The following ATF7IP variants were observed in gnomAD, a reference collection of about 807,000 sequenced individuals.
The protein encoded by ATF7IP is activating transcription factor 7-interacting protein 1.
A neutral mutation model predicts 106.4 loss-of-function variants in ATF7IP; 23 were observed. The ratio of observed to expected loss-of-function variants is 0.22; its 90% CI spans 0.16 to 0.31. ATF7IP has a LOEUF of 0.31. Ranked by LOEUF, ATF7IP falls within the 10% of genes least tolerant of loss-of-function variation. ATF7IP has a pLI of 1.00. For missense variants in ATF7IP, 1,334 were observed against 1,524.3 expected, an observed-to-expected ratio of 0.88 and a Z score of 2.08; for synonymous variants, 542 against 539.0, an observed-to-expected ratio of 1.01 and a Z score of -0.08.
intron 10 of ATF7IP, 93 bp from the exon 11 acceptor site, chr12:14,475,797 A>G (rs1944242512): frequency 1.1e-6 from 1 of 922,260 alleles, no homozygotes; most frequent in Non-Finnish European, 1.6e-6. Flanking sequence ...CAGGTTACTC[A>G]TTAGTCTCAT....
rs1941741696 is a variant in ATF7IP, at chr12:14,424,669, G to T, written c.754G>T (p.Asp252Tyr). The change falls in exon 2 of 15, where the codon GAT (aspartate) becomes TAT (tyrosine). Residue 252 changes from aspartate to tyrosine, a missense_variant. Coordinates refer to ENST00000261168, the MANE Select transcript of ATF7IP (RefSeq NM_018179.5). Reference sequence around the variant, plus strand: ...ACCAGCTTCCACTGATCCAGCCTCTGATGATCTGGCCTCTGGTGATCTATC... The same window carrying T: ...ACCAGCTTCCACTGATCCAGCCTCTTATGATCTGGCCTCTGGTGATCTATC... ...GAPASTDPAS[D>Y]DLASGDLSSS... is the part of the protein sequence containing the mutation. The T allele has an allele frequency of 6.2e-7, 1 of 1,614,158 alleles. No individual in the cohort carries two copies. Among genetic ancestry groups the T allele is most frequent in the Non-Finnish European group, 8.5e-7 (1 of 1,180,024 alleles).
intron 1 of ATF7IP, chr12:14,367,345 G>C (rs1938349347): frequency 6.6e-6 from 1 of 152,028 alleles, no homozygotes; most frequent in Admixed American, 6.5e-5. Flanking sequence ...ATATGAGATA[G>C]AATGGAGGTA....
intron 4 of ATF7IP, among the ~76,000 whole-genome samples, chr12:14,436,803 G>T (rs538796643): frequency 2.7e-5 from 4 of 148,552 alleles, no homozygotes; most frequent in African/African-American, 7.5e-5. Flanking sequence ...TTTAAAAAAG[G>T]TTATGATTAT....
rs889896538 is a variant in ATF7IP, at chr12:14,466,605, T to C, written c.2862+15T>C. On this transcript the variant is annotated intron_variant, in intron 10 of 14. Coordinates refer to ENST00000261168, the MANE Select transcript of ATF7IP (RefSeq NM_018179.5). ...GCACATCACAGGTAAGATTTTTCCT[T>C]CTTCTTCAAAGTAAAATCCTAATTA... 9 of 1,575,310 alleles carry C rather than the reference T, an allele frequency of 5.7e-6. No homozygotes were observed. In the South Asian group the frequency reaches 7.1e-5, roughly 12 times the overall value.
chr12:14,391,228 A>G (rs1310369530), intron 1 of ATF7IP, among the ~76,000 whole-genome samples: 2 of 152,226 alleles, frequency 1.3e-5, no homozygotes, highest in Non-Finnish European at 2.9e-5. Context: ...TGAAAACAGC[A>G]CAAATTGATT....
At chr12:14,422,880 TG>T (rs1044093052) in intron 1 of ATF7IP, among the ~76,000 whole-genome samples, 1 of 152,194 alleles carries the variant, frequency 6.6e-6, no homozygotes, top group African/African-American at 2.4e-5. Flanking sequence ...AGTTTTTGTG[TG>T]GACATATGTT....
intron 4 of ATF7IP, 107 bp downstream of exon 4, chr12:14,436,358 C>T: frequency 5.9e-6 from 7 of 1,177,208 alleles, no homozygotes; most frequent in Non-Finnish European, 8.3e-6. Context: ...TGTGGTTTAT[C>T]ATAGAAAGAA....
At chr12:14,431,281 A>G (rs1260876309) in intron 2 of ATF7IP, among the ~76,000 whole-genome samples, 1 of 152,096 alleles carries the variant, frequency 6.6e-6, no homozygotes, top group Non-Finnish European at 1.5e-5. Flanking sequence ...AGGAAAGAAT[A>G]TGGAACTATG....
At chr12:14,402,003 C>T (rs762247662) in intron 1 of ATF7IP, among the ~76,000 whole-genome samples, 60 of 151,218 alleles carry the variant, frequency 4.0e-4, no homozygotes, top group Non-Finnish European at 7.7e-4. Context: ...TGAGCCACCG[C>T]GCCTGGCCTC....
intron 13 of ATF7IP, among the ~76,000 whole-genome samples, chr12:14,496,019 A>AC (rs1945000939): frequency 4.0e-5 from 6 of 151,432 alleles, no homozygotes; most frequent in Admixed American, 4.0e-4. Flanking sequence ...GGTAGTTAGA[A>AC]TTTTTTTTTA....
chr12:14,478,516 T>C (rs780541605), intron 12 of ATF7IP, 44 bp downstream of exon 12: 3 of 1,604,304 alleles, frequency 1.9e-6, no homozygotes, highest in East Asian at 4.5e-5. Context: ...GTTTTGCCTG[T>C]AGAGAACTAT....
Position 14,441,035 on chromosome 12 carries a change from T to C in ATF7IP, c.1929+2768T>C, listed in dbSNP as rs147822673. ...TCAGCTATTGTGAATGATGCTGCTT[T>C]GAACTTGTATACAAGTGTTTGTTTG... On this transcript the variant is annotated intron_variant, in intron 5 of 14. Coordinates refer to ENST00000261168, the MANE Select transcript of ATF7IP (RefSeq NM_018179.5). 5.9e-5 allele frequency among the ~76,000 whole-genome samples: 9 copies of C among 152,352 alleles called. No individual in the cohort carries two copies. In the East Asian group the frequency reaches 1.7e-3, roughly 29 times the overall value.
chr12:14,418,318 C>G (rs1215923613), intron 1 of ATF7IP, among the ~76,000 whole-genome samples: 1 of 152,076 alleles, frequency 6.6e-6, no homozygotes, highest in Admixed American at 6.5e-5. Context: ...AAAATACTTT[C>G]AGGAGAAACT....
chr12:14,453,599 C>T (rs565435366), intron 6 of ATF7IP, among the ~76,000 whole-genome samples: 60 of 151,276 alleles, frequency 4.0e-4, no homozygotes, highest in African/African-American at 1.4e-3. Flanking sequence ...TGTTTTCTGT[C>T]GTCTCTTTCA....
intron 10 of ATF7IP, among the ~76,000 whole-genome samples, chr12:14,471,354 A>G (rs903044655): frequency 6.6e-6 from 1 of 152,108 alleles, no homozygotes; most frequent in Non-Finnish European, 1.5e-5. Context: ...TAGTGGTTTT[A>G]TCTATTACTA....
chr12:14,432,251 G>A (rs1187915799), intron 2 of ATF7IP, among the ~76,000 whole-genome samples: 4 of 152,180 alleles, frequency 2.6e-5, no homozygotes, highest in Non-Finnish European at 5.9e-5. Context: ...TAAAGACTAT[G>A]TAAACCTTTC....
At chr12:14,406,918 T>C (rs1940623393) in intron 1 of ATF7IP, among the ~76,000 whole-genome samples, 1 of 152,182 alleles carries the variant, frequency 6.6e-6, no homozygotes, top group Non-Finnish European at 1.5e-5. Flanking sequence ...TGGTTAAATT[T>C]CATTTAAAAA....
chr12:14,491,818 TAG>T (rs1944834686), intron 13 of ATF7IP, among the ~76,000 whole-genome samples: 1 of 152,210 alleles, frequency 6.6e-6, no homozygotes, highest in Admixed American at 6.5e-5. Flanking sequence ...CAGCTGCAGT[TAG>T]AGTCACCACT....
At chr12:14,432,816 C>T (rs1399736098) in intron 2 of ATF7IP, among the ~76,000 whole-genome samples, 1 of 152,022 alleles carries the variant, frequency 6.6e-6, no homozygotes, top group East Asian at 1.9e-4. Flanking sequence ...TGAAACATAG[C>T]ATGCTTTATT....
Sources: gnomAD v4.1 joint callset for allele counts (sites outside exome capture counted in the v4.1 genomes callset) on GRCh38, gnomAD v4.1.1 for gene constraint, MANE v1.5 for transcripts, NCBI Gene and HGNC (gene_info 2026-07-23, HGNC 2026-07-21) for gene names.